Variants in GLI3 observed in about 807,000 individuals in gnomAD.
The protein encoded by GLI3 is GLI family zinc finger 3.
In GLI3, 20 loss-of-function variants were observed where a neutral mutation model predicts 100.8. That is an observed-to-expected ratio of 0.20 (90% CI 0.14 to 0.29). The LOEUF (loss-of-function observed/expected upper bound fraction) is 0.29, where lower values mean the gene tolerates loss of function less well. Among genes scored for constraint, GLI3 ranks in the 10% least tolerant of loss-of-function variants. GLI3 has a pLI of 1.00. For synonymous variants in GLI3, 938 were observed against 860.5 expected, an observed-to-expected ratio of 1.09 and a Z score of -1.58; for missense variants, 2,040 against 2,128.5, an observed-to-expected ratio of 0.96 and a Z score of 0.82.
chr7:42,013,558 A>T (rs1158945118), intron 10 of GLI3, among the ~76,000 whole-genome samples: 3 of 152,002 alleles, frequency 2.0e-5, no homozygotes, highest in Non-Finnish European at 2.9e-5. Context: ...TATTTTGTAG[A>T]GATAGGGTCT....
chr7:42,140,467 C>A (rs1218595533), intron 3 of GLI3, among the ~76,000 whole-genome samples: 1 of 152,108 alleles, frequency 6.6e-6, no homozygotes, highest in Non-Finnish European at 1.5e-5. Flanking sequence ...AAAAGCCTGG[C>A]CCCCCTCAAA....
intron 2 of GLI3, among the ~76,000 whole-genome samples, chr7:42,195,967 T>C (rs1421040174): frequency 1.3e-5 from 2 of 152,244 alleles, no homozygotes; most frequent in African/African-American, 4.8e-5. Context: ...TTGATCATTT[T>C]TCATACATGA....
intron 13 of GLI3, 128 bp from the exon 14 acceptor site, chr7:41,968,051 T>A: frequency 1.2e-6 from 1 of 846,870 alleles, no homozygotes; most frequent in Non-Finnish European, 2.0e-6. Context: ...AGAAAAACTA[T>A]GTTCTGGTGA....
intron 1 of GLI3, 98 bp downstream of exon 1, chr7:42,236,872 TC>T (rs1455204356): frequency 1.3e-5 from 2 of 152,042 alleles, no homozygotes; most frequent in Non-Finnish European, 2.9e-5. Context: ...CTCCATCCCG[TC>T]CCCACGCTGG....
At chr7:42,158,734 A>C (rs1583608774) in intron 2 of GLI3, among the ~76,000 whole-genome samples, 1 of 151,798 alleles carries the variant, frequency 6.6e-6, no homozygotes, top group Non-Finnish European at 1.5e-5. Flanking sequence ...CAGGTGATCC[A>C]CCCGCCTCGG....
chr7:41,971,582 C>T (rs1422844424), intron 13 of GLI3, among the ~76,000 whole-genome samples: 5 of 152,180 alleles, frequency 3.3e-5, no homozygotes, highest in Non-Finnish European at 7.3e-5. Flanking sequence ...ACAAAGATTG[C>T]CTACTGAATC....
At position 41,972,141 on chromosome 7, in the gene GLI3, CAGTT is replaced by C. The variant is rs1057184740; in HGVS notation, c.2103+192_2103+195del. 4.6e-5 allele frequency among the ~76,000 whole-genome samples: 7 copies of C among 152,064 alleles called. No homozygotes were observed. Among genetic ancestry groups the C allele is most frequent in the African/African-American group, 9.7e-5 (4 of 41,408 alleles). On this transcript the variant is annotated intron_variant, in intron 13 of 14. Coordinates refer to ENST00000395925, the MANE Select transcript of GLI3 (RefSeq NM_000168.6). The surrounding 1 kb of genome is among the most constrained non-coding windows in gnomAD (Gnocchi z 4.4). ...TGGTTCTGGGAGGGATTTTAAAAAT[CAGTT>C]AGGAAACCTGGAAACTCTTTTTCTG... is the stretch of plus-strand genomic sequence containing the variant.
intron 3 of GLI3, among the ~76,000 whole-genome samples, chr7:42,087,956 C>G (rs1785139553): frequency 6.6e-6 from 1 of 152,100 alleles, no homozygotes; most frequent in African/African-American, 2.4e-5. Flanking sequence ...TTCACCATGA[C>G]TGTAAAACAA....
chr7:42,047,176 T>C (rs1162927843), intron 5 of GLI3, among the ~76,000 whole-genome samples: 1 of 152,194 alleles, frequency 6.6e-6, no homozygotes, highest in Non-Finnish European at 1.5e-5. Flanking sequence ...AAAATGTTAA[T>C]CCTGCCCAAA....
At chr7:42,117,339 TG>T (rs1434125173) in intron 3 of GLI3, among the ~76,000 whole-genome samples, 1 of 152,234 alleles carries the variant, frequency 6.6e-6, no homozygotes, top group East Asian at 1.9e-4. Context: ...CACCCTTATA[TG>T]CCTCTGGTCC....
intron 4 of GLI3, among the ~76,000 whole-genome samples, chr7:42,052,554 T>C (rs1784372818): frequency 6.6e-6 from 1 of 152,160 alleles, no homozygotes. Context: ...CACAGCTCCC[T>C]CCAGGAGCTG....
At chr7:42,243,830 TTTGTTG>T (rs967398421) in intron 1 of GLI3, among the ~76,000 whole-genome samples, 2 of 152,014 alleles carry the variant, frequency 1.3e-5, no homozygotes, top group African/African-American at 4.8e-5. Context: ...GACTCATTCT[TTTGTTG>T]TTGTTGTTGT....
At chr7:42,008,153 C>T (rs1374533710) in intron 10 of GLI3, among the ~76,000 whole-genome samples, 1 of 152,106 alleles carries the variant, frequency 6.6e-6, no homozygotes, top group Non-Finnish European at 1.5e-5. Context: ...CTATAATACC[C>T]CACACCCATG....
intron 3 of GLI3, chr7:42,145,472 T>G: frequency 2.5e-6 from 1 of 398,364 alleles, no homozygotes; most frequent in African/African-American, 2.1e-5. Context: ...TCTACTGAGG[T>G]TGACTGAGAA....
chr7:42,222,922 T>G, intron 2 of GLI3: 1 of 586,082 alleles, frequency 1.7e-6, no homozygotes, highest in Admixed American at 2.7e-5. Context: ...AATTAGAAAG[T>G]TTGGAAGTCA....
intron 10 of GLI3, among the ~76,000 whole-genome samples, chr7:41,996,532 A>G (rs374770367): frequency 2.6e-5 from 4 of 152,336 alleles, no homozygotes; most frequent in East Asian, 1.9e-4. Context: ...CAGACACAAT[A>G]TCCCAGAGAG....
chr7:41,968,425 G>A (rs1051668728), intron 13 of GLI3, among the ~76,000 whole-genome samples: 2 of 152,146 alleles, frequency 1.3e-5, no homozygotes, highest in African/African-American at 2.4e-5. Context: ...TTATGATCCC[G>A]GGTGGTTTTA....
chr7:42,186,096 G>A (rs1234547995), intron 2 of GLI3, among the ~76,000 whole-genome samples: 2 of 152,126 alleles, frequency 1.3e-5, no homozygotes, highest in African/African-American at 2.4e-5. Flanking sequence ...ACCAAATAGC[G>A]AACTTACCAT....
chr7:42,121,525 C>T (rs935427629), intron 3 of GLI3, among the ~76,000 whole-genome samples: 2 of 152,302 alleles, frequency 1.3e-5, no homozygotes, highest in African/African-American at 4.8e-5. Context: ...TAATTGCAAC[C>T]TGCTTAAATA....
Sources: gnomAD v4.1 joint callset for allele counts (sites outside exome capture counted in the v4.1 genomes callset) on GRCh38, gnomAD v4.1.1 for gene constraint, Gnocchi (gnomAD v3.1) non-coding constraint, MANE v1.5 for transcripts, NCBI Gene and HGNC (gene_info 2026-07-23, HGNC 2026-07-21) for gene names.